GFPT1: variants seen among roughly 807,000 people sequenced by gnomAD.
The protein encoded by GFPT1 is glutamine--fructose-6-phosphate aminotransferase [isomerizing] 1.
A neutral mutation model predicts 92.0 loss-of-function variants in GFPT1; 40 were observed. The observed-to-expected ratio is 0.43, with a 90% CI of 0.34 to 0.57. The LOEUF is 0.57. GFPT1 is among the 20% of genes least tolerant of loss of function. The pLI, the probability that GFPT1 is intolerant of heterozygous loss-of-function variation, is 0.02. For missense variants in GFPT1, 448 were observed against 869.1 expected (o/e 0.52, Z 6.09); for synonymous variants, 269 against 280.6 (o/e 0.96, Z 0.41).
intron 7 of GFPT1, among the ~76,000 whole-genome samples, chr2:69,356,146 A>G (rs906922244): frequency 1.1e-4 from 17 of 151,994 alleles, no homozygotes; most frequent in African/African-American, 3.1e-4. Context: ...GGCATGTGCT[A>G]CCACACCCGG....
intron 19 of GFPT1, 44 bp downstream of exon 19, chr2:69,326,870 G>A: frequency 6.3e-7 from 1 of 1,585,582 alleles, no homozygotes. Context: ...AATGTATCCA[G>A]GTAAAAAACC....
chr2:69,381,607 G>T (rs1408310408), intron 1 of GFPT1, among the ~76,000 whole-genome samples: 3 of 149,248 alleles, frequency 2.0e-5, no homozygotes, highest in Non-Finnish European at 4.4e-5. Context: ...ACCCAGGCTG[G>T]AGTGCAGCAG....
intron 5 of GFPT1, 114 bp from the exon 6 acceptor site, chr2:69,358,577 C>A: frequency 1.3e-6 from 1 of 743,534 alleles, no homozygotes; most frequent in Non-Finnish European, 2.3e-6. Context: ...CTTTGAACAC[C>A]ATATCCCATT....
intron 15 of GFPT1, among the ~76,000 whole-genome samples, chr2:69,333,865 A>G (rs536137161): frequency 6.6e-6 from 1 of 152,294 alleles, no homozygotes; most frequent in Admixed American, 6.5e-5. Context: ...TAGGATCAAT[A>G]ATCAACTTTT....
intron 1 of GFPT1, among the ~76,000 whole-genome samples, chr2:69,384,693 CAAAAAAAAAA>C (rs71964630): frequency 0.046 from 4,890 of 106,750 alleles, 147 homozygotes; most frequent in East Asian, 0.23. Flanking sequence ...GGCCCCGTCA[CAAAAAAAAAA>C]AAAAAAAAAG....
At chr2:69,355,694 T>C (rs1671319566) in intron 7 of GFPT1, among the ~76,000 whole-genome samples, 1 of 152,186 alleles carries the variant, frequency 6.6e-6, no homozygotes, top group African/African-American at 2.4e-5. Context: ...TATATGAAAG[T>C]GTAGCACCTT....
chr2:69,376,967 T>G (rs1322699110), intron 1 of GFPT1, among the ~76,000 whole-genome samples: 1 of 152,002 alleles, frequency 6.6e-6, no homozygotes, highest in Non-Finnish European at 1.5e-5. Context: ...CCCAGCAACT[T>G]GGAGGCCAAG....
chr2:69,367,711 G>A (rs570147663), intron 3 of GFPT1, among the ~76,000 whole-genome samples: 37 of 152,240 alleles, frequency 2.4e-4, no homozygotes, highest in Non-Finnish European at 2.6e-4. Flanking sequence ...CATTTAGGCT[G>A]TTTCTAAATT....
rs1670966482 is a variant in GFPT1, at chr2:69,342,063, T to A, written c.1203+89A>T. 4 of 703,794 alleles carry A rather than the reference T, an allele frequency of 5.7e-6. No individual in the cohort carries two copies. The African/African-American group carries it at 7.1e-5, about 13-fold the overall frequency. 43.6% of individuals were successfully genotyped at this position (703,794 alleles called of 1,614,324 possible). ...GAAAAGATAACACATTAACAAAACA[T>A]AGTTTTACACAGTATGTTATTAGAC... On this transcript the variant is annotated intron_variant, in intron 13 of 19. Transcript: ENST00000357308.
At chr2:69,364,986 C>T (rs1321963676) in intron 3 of GFPT1, among the ~76,000 whole-genome samples, 1 of 112,596 alleles carries the variant, frequency 8.9e-6, no homozygotes, top group African/African-American at 3.5e-5. Context: ...CAGAGCGAGA[C>T]TCCCTCTCAA....
At chr2:69,387,000 T>C (rs978296253) in intron 1 of GFPT1, 65 bp downstream of exon 1, 1 of 1,289,392 alleles carries the variant, frequency 7.8e-7, no homozygotes, top group Non-Finnish European at 1.1e-6. Flanking sequence ...CCTTGGGCCT[T>C]AGCGGCACCC....
intron 3 of GFPT1, among the ~76,000 whole-genome samples, chr2:69,364,994 CAAAAAA>C (rs58848043): frequency 1.5e-3 from 66 of 44,162 alleles, no homozygotes; most frequent in African/African-American, 4.9e-3. Context: ...GACTCCCTCT[CAAAAAA>C]AAAAAAAAAA....
intron 4 of GFPT1, among the ~76,000 whole-genome samples, chr2:69,362,445 A>C (rs920230860): frequency 4.6e-5 from 7 of 152,168 alleles, no homozygotes; most frequent in African/African-American, 1.7e-4. Flanking sequence ...CTTCGGAATT[A>C]TGTAAATATT....
chr2:69,339,506 A>G (rs1670884257), intron 13 of GFPT1, among the ~76,000 whole-genome samples: 1 of 152,182 alleles, frequency 6.6e-6, no homozygotes, highest in Admixed American at 6.5e-5. Context: ...AAAATCAAAA[A>G]CAGAAAAATT....
intron 3 of GFPT1, among the ~76,000 whole-genome samples, chr2:69,367,620 C>T (rs1234210875): frequency 6.6e-6 from 1 of 152,170 alleles, no homozygotes; most frequent in Non-Finnish European, 1.5e-5. Context: ...CTCGGCCTCC[C>T]AAAGTGCCAG....
chr2:69,340,139 ACTTT>A (rs1400936734), intron 13 of GFPT1, among the ~76,000 whole-genome samples: 35 of 124,160 alleles, frequency 2.8e-4, no homozygotes, highest in Admixed American at 6.6e-4. Context: ...AGTTGGGGCA[ACTTT>A]TTTTTTTTTT....
intron 3 of GFPT1, among the ~76,000 whole-genome samples, chr2:69,367,123 A>T (rs903331453): frequency 1.3e-5 from 2 of 151,926 alleles, no homozygotes; most frequent in Non-Finnish European, 2.9e-5. Context: ...CCATTCACTT[A>T]CTCCTCAGAA....
chr2:69,386,185 T>C (rs1672124010), intron 1 of GFPT1, among the ~76,000 whole-genome samples: 1 of 152,236 alleles, frequency 6.6e-6, no homozygotes. Flanking sequence ...CAAAGTCTCT[T>C]TCACTAACAC....
intron 13 of GFPT1, among the ~76,000 whole-genome samples, chr2:69,340,673 A>G (rs1296323478): frequency 6.6e-6 from 1 of 152,174 alleles, no homozygotes. Context: ...ATGTGTCATG[A>G]AACAACAACA....
Sources: gnomAD v4.1 joint callset for allele counts (sites outside exome capture counted in the v4.1 genomes callset) on GRCh38, gnomAD v4.1.1 for gene constraint, MANE v1.5 for transcripts, NCBI Gene and HGNC (gene_info 2026-07-23, HGNC 2026-07-21) for gene names.